Variants in XYLT1 observed in about 807,000 individuals in gnomAD.
XYLT1 encodes the protein xylosyltransferase 1.
Under a neutral mutation model 91.3 loss-of-function variants are expected in XYLT1, and 36 were observed. That is an observed-to-expected ratio of 0.39 (90% CI 0.30 to 0.52). The LOEUF (loss-of-function observed/expected upper bound fraction) is 0.52, where lower values mean the gene tolerates loss of function less well. XYLT1 is among the 20% of genes least tolerant of loss of function. The probability of loss-of-function intolerance (pLI) is 0.68; values close to 1 mark genes in which losing one functional copy is unlikely to be tolerated. For missense variants in XYLT1, 1,242 were observed against 1,284.5 expected (o/e 0.97, Z 0.51); for synonymous variants, 588 against 532.0 (o/e 1.11, Z -1.45).
chr16:17,271,799 C>G (rs1225300308), intron 2 of XYLT1, among the ~76,000 whole-genome samples: 1 of 152,162 alleles, frequency 6.6e-6, no homozygotes, highest in Non-Finnish European at 1.5e-5. Context: ...CCATACTGGC[C>G]GATCTCAGCT....
At position 17,181,846 on chromosome 16, in the gene XYLT1, C is replaced by T. The variant is rs556295339; in HGVS notation, c.1289+16366G>A. On this transcript the variant is annotated intron_variant, in intron 5 of 11. Coordinates refer to ENST00000261381, the MANE Select transcript of XYLT1 (RefSeq NM_022166.4). ...GAGTTACCCCAACCGCTTGATGCAA[C>T]GGGGTGGGTACAGTAAGCTAAGGTC... Among the ~76,000 whole-genome samples the T allele has an allele frequency of 2.0e-5, 3 of 152,126 alleles. No homozygotes were observed. In the South Asian group the frequency reaches 6.2e-4, roughly 32 times the overall value.
At chr16:17,424,821 T>C (rs2141925815) in intron 1 of XYLT1, among the ~76,000 whole-genome samples, 1 of 144,064 alleles carries the variant, frequency 6.9e-6, no homozygotes, top group African/African-American at 2.7e-5. Flanking sequence ...TCAGCTGAGA[T>C]TGCACCACGG....
chr16:17,318,928 C>T (rs1165024851), intron 2 of XYLT1, among the ~76,000 whole-genome samples: 5 of 152,060 alleles, frequency 3.3e-5, no homozygotes, highest in Admixed American at 1.3e-4. Context: ...GCTGGGATTA[C>T]AGGCATGTGC....
intron 2 of XYLT1, among the ~76,000 whole-genome samples, chr16:17,321,320 A>C (rs1009527163): frequency 7.5e-6 from 1 of 132,498 alleles, no homozygotes; most frequent in Admixed American, 7.9e-5. Context: ...CACATTGGAC[A>C]GTTCCCAAAG....
At chr16:17,309,720 T>G (rs1437893480) in intron 2 of XYLT1, among the ~76,000 whole-genome samples, 1 of 152,228 alleles carries the variant, frequency 6.6e-6, no homozygotes, top group Non-Finnish European at 1.5e-5. Flanking sequence ...AGGGATTCTT[T>G]GGAAGCACTT....
intron 1 of XYLT1, among the ~76,000 whole-genome samples, chr16:17,432,911 G>A (rs958713959): frequency 1.3e-5 from 2 of 152,108 alleles, no homozygotes; most frequent in African/African-American, 4.8e-5. Flanking sequence ...CCACGTATTT[G>A]ATTTTTACAG....
At chr16:17,358,102 A>G in intron 1 of XYLT1, 52 bp from the exon 2 acceptor site, 1 of 1,543,586 alleles carries the variant, frequency 6.5e-7, no homozygotes, top group South Asian at 1.2e-5. Flanking sequence ...AAGTTAACTT[A>G]CTACCCCAGC....
At chr16:17,212,956 G>A (rs1166383734) in intron 3 of XYLT1, among the ~76,000 whole-genome samples, 1 of 151,784 alleles carries the variant, frequency 6.6e-6, no homozygotes, top group East Asian at 1.9e-4. Context: ...GAGCTATTAT[G>A]ATAATAGCAA....
At chr16:17,291,294 T>C (rs1439624084) in intron 2 of XYLT1, among the ~76,000 whole-genome samples, 2 of 152,254 alleles carry the variant, frequency 1.3e-5, no homozygotes, top group African/African-American at 2.4e-5. Context: ...TGAGCCATTG[T>C]GCCTGGCCTA....
rs576830378 is a variant in XYLT1, at chr16:17,383,897, GCCA to G, written c.364-25850_364-25848del. ...CGAGTAGCTGGGATTATAGGTGCCC[GCCA>G]CCACGCCTGGCTAATTTTTGTATTT... On this transcript the variant is annotated intron_variant, in intron 1 of 11. Transcript: ENST00000261381. Among the ~76,000 whole-genome samples the G allele has an allele frequency of 4.0e-3, 609 of 151,790 alleles. 8 individuals are homozygous for G. Among genetic ancestry groups the G allele is most frequent in the Non-Finnish European group, 6.4e-3 (434 of 67,984 alleles).
In XYLT1 at chr16:17,141,178, T is replaced by C. The variant is rs761395829; in HGVS notation, c.1562A>G (p.Tyr521Cys). The change falls in exon 7 of 12, where the codon TAC becomes TGC. Residue 521 changes from tyrosine (Y) to cysteine (C), a missense_variant. Around this residue, in one of 3 missense-constraint regions of XYLT1, gnomAD observed 294 missense variants for 376.0 expected, o/e 0.78. Coordinates refer to ENST00000261381, the MANE Select transcript of XYLT1 (RefSeq NM_022166.4). ...DDLVTKMKQF[Y>C]SYTLLPAESF... The stretch of plus-strand genomic sequence containing the variant: ...CTCAGCAGGAAGCAGGGTGTAGGAG[T>C]AGAACTGTTTCATCTTGGTCACCAG... 2.2e-5 allele frequency: 35 copies of C among 1,613,928 alleles called. No individual in the cohort carries two copies. The highest frequency in any genetic ancestry group is 3.0e-5 in the Non-Finnish European group (35 of 1,180,002).
intron 2 of XYLT1, among the ~76,000 whole-genome samples, chr16:17,294,955 T>C (rs1479564216): frequency 6.6e-6 from 1 of 152,176 alleles, no homozygotes; most frequent in Non-Finnish European, 1.5e-5. Flanking sequence ...TCACAGAACT[T>C]TATTCTAGCA....
rs936352 is a variant in XYLT1, at chr16:17,198,027, C to G, written c.1289+185G>C. Reference sequence around the variant, plus strand: ...GCTGGGAAAACCACGTGCTCAGTCTCTATCTGTTGAATGCATGAATGAATG... The same window carrying G: ...GCTGGGAAAACCACGTGCTCAGTCTGTATCTGTTGAATGCATGAATGAATG... On this transcript the variant is annotated intron_variant, in intron 5 of 11. Coordinates refer to ENST00000261381, the MANE Select transcript of XYLT1 (RefSeq NM_022166.4). The G allele has an allele frequency of 0.52, 346,941 of 670,100 alleles. 96,539 individuals are homozygous for G. Among genetic ancestry groups the G allele is most frequent in the African/African-American group, 0.84 (46,349 of 55,354 alleles). The allele number at this position is 670,100 out of a possible 1,614,324, so 41.5% of individuals were successfully genotyped here.
chr16:17,456,461 C>G (rs2141955426), intron 1 of XYLT1, among the ~76,000 whole-genome samples: 1 of 151,822 alleles, frequency 6.6e-6, no homozygotes, highest in South Asian at 2.1e-4. Flanking sequence ...CCTCAGCCTC[C>G]CAAGTAGCTG....
At chr16:17,234,066 C>T (rs1025310267) in intron 3 of XYLT1, among the ~76,000 whole-genome samples, 3 of 152,136 alleles carry the variant, frequency 2.0e-5, no homozygotes, top group Admixed American at 6.6e-5. Context: ...TCAAGAAGAC[C>T]GGACCTAAGA....
chr16:17,159,860 G>GA (rs2031505062), intron 5 of XYLT1, among the ~76,000 whole-genome samples: 1 of 152,238 alleles, frequency 6.6e-6, no homozygotes, highest in Non-Finnish European at 1.5e-5. Flanking sequence ...CCATCTGCCA[G>GA]AAACGCAGTC....
At chr16:17,426,175 T>C (rs1001648245) in intron 1 of XYLT1, among the ~76,000 whole-genome samples, 2 of 152,052 alleles carry the variant, frequency 1.3e-5, no homozygotes, top group African/African-American at 4.8e-5. Context: ...CCTCATGGGG[T>C]TTATGTTCTA....
Position 17,106,853 on chromosome 16 carries a change from C to T in XYLT1, c.*1842G>A, listed in dbSNP as rs1966783496. 6.6e-6 allele frequency: 1 copy of T among 152,110 alleles called. No homozygotes were observed. Among genetic ancestry groups the T allele is most frequent in the Admixed American group, 6.5e-5 (1 of 15,270 alleles). The allele number at this position is 152,110 out of a possible 1,614,324, so 9.4% of individuals were successfully genotyped here. A position where few individuals can be genotyped will look rare whatever the true frequency, so the allele number is the denominator to read the frequency against. ...CTCCAACGGTCCCCAAGGCACCCCA[C>T]TCAAAGCCAGTGGAAGATGCGGGTT... On this transcript the variant is annotated 3_prime_UTR_variant, in exon 12 of 12. Transcript: ENST00000261381.
chr16:17,124,904 T>G (rs980704802), intron 10 of XYLT1, among the ~76,000 whole-genome samples: 14 of 152,242 alleles, frequency 9.2e-5, no homozygotes, highest in Non-Finnish European at 1.6e-4. Context: ...TTCCAGTGCA[T>G]TTTGCAATTT....
Sources: gnomAD v4.1 joint callset for allele counts (sites outside exome capture counted in the v4.1 genomes callset) on GRCh38, gnomAD v4.1.1 for gene constraint, gnomAD v4.1.1 regional missense constraint, MANE v1.5 for transcripts, NCBI Gene and HGNC (gene_info 2026-07-23, HGNC 2026-07-21) for gene names.